The following CIPC variants were observed in gnomAD, a reference collection of about 807,000 sequenced individuals.
CIPC encodes the protein CLOCK interacting pacemaker.
A neutral mutation model predicts 26.7 loss-of-function variants in CIPC; 12 were observed. That is an observed-to-expected ratio of 0.45 (90% CI 0.29 to 0.73). CIPC has a LOEUF of 0.73. CIPC is among the 30% of genes least tolerant of loss of function. CIPC has a pLI of 0.12. For synonymous variants in CIPC, 170 were observed against 189.8 expected, an observed-to-expected ratio of 0.90 and a Z score of 0.86; for missense variants, 417 against 486.5, an observed-to-expected ratio of 0.86 and a Z score of 1.34.
Position 77,114,551 on chromosome 14 carries a change from C to G in CIPC, c.*233C>G. 2.0e-6 allele frequency: 1 copy of G among 495,836 alleles called. No individual in the cohort carries two copies. The highest frequency in any genetic ancestry group is 1.9e-5 in the African/African-American group (1 of 52,350). The allele number at this position is 495,836 out of a possible 1,614,324, so 30.7% of individuals were successfully genotyped here. On this transcript the variant is annotated 3_prime_UTR_variant, in exon 4 of 4. Coordinates refer to ENST00000361786, the MANE Select transcript of CIPC (RefSeq NM_033426.3). ...CCTCAGTTTGGGAGTGCCCTTGAGC[C>G]CCTTTTCCTTAGCCTGCAGGTGCTT...
chr14:77,103,637 A>G (rs1343797915), intron 1 of CIPC, among the ~76,000 whole-genome samples: 1 of 152,200 alleles, frequency 6.6e-6, no homozygotes, highest in African/African-American at 2.4e-5. Context: ...ATTCTCAGCC[A>G]GCAATTTGAA....
At position 77,114,037 on chromosome 14, in the gene CIPC, T is replaced by C. The variant is rs1886758689; in HGVS notation, c.919T>C (p.Ser307Pro). Residue 307 changes from serine (S) to proline (P), a missense_variant, in exon 4 of 4, where the codon TCA becomes CCA. Physicochemically the swap from Ser to Pro is moderately conservative, Grantham distance 74 (BLOSUM62 -1). Coordinates refer to ENST00000361786, the MANE Select transcript of CIPC (RefSeq NM_033426.3). ...EHLCRSPDIF[S>P]EQRQSKHRRF... ...CCTCTGCCGCAGCCCAGATATCTTT[T>C]CAGAGCAGCGGCAGAGCAAACATAG... 4 of 1,614,228 alleles carry C rather than the reference T, an allele frequency of 2.5e-6. No individual in the cohort carries two copies. Among genetic ancestry groups the C allele is most frequent in the East Asian group, 4.5e-5 (2 of 44,888 alleles).
Position 77,113,645 on chromosome 14 carries a change from C to T in CIPC, c.527C>T (p.Pro176Leu). Reference sequence around the variant, plus strand: ...GGCAAAAGGGGCCTTTCCCTTGGCCCAGAAGAAAAAGGAACAAGTGGAGTG... The same window carrying T: ...GGCAAAAGGGGCCTTTCCCTTGGCCTAGAAGAAAAAGGAACAAGTGGAGTG... ...HPGKRGLSLGPEEKGTSGVQK... is the reference protein window; with the variant it reads ...HPGKRGLSLGLEEKGTSGVQK... Residue 176 changes from proline (P) to leucine (L), a missense_variant, in exon 4 of 4, where the codon CCA (proline) becomes CTA (leucine). Coordinates refer to ENST00000361786, the MANE Select transcript of CIPC (RefSeq NM_033426.3). 1 of 1,613,802 alleles carries T rather than the reference C, an allele frequency of 6.2e-7. No homozygotes were observed.
chr14:77,103,550 GTTA>G (rs1355465948), intron 1 of CIPC, among the ~76,000 whole-genome samples: 1 of 152,168 alleles, frequency 6.6e-6, no homozygotes, highest in African/African-American at 2.4e-5. Flanking sequence ...TATTCCTTGT[GTTA>G]TTATCATGCT....
chr14:77,105,702 A>AT lies in CIPC; in HGVS notation c.-6dup, dbSNP rs779238816. The AT allele has an allele frequency of 1.9e-6, 3 of 1,613,110 alleles. No individual in the cohort carries two copies. The Admixed American group carries it at 5.0e-5, about 27-fold the overall frequency. ...TACCAATGAATCTGCCTCCAGCTGA[A>AT]TAAACCATGGAGAGGAAAAACCCAT... On this transcript the variant is annotated 5_prime_UTR_variant, in exon 2 of 4. An upstream open reading frame in the 5' UTR loses its in-frame stop. Transcript: ENST00000361786.
At chr14:77,112,653 CAG>C (rs1454278462) in intron 3 of CIPC, among the ~76,000 whole-genome samples, 1 of 151,834 alleles carries the variant, frequency 6.6e-6, no homozygotes, top group East Asian at 1.9e-4. Flanking sequence ...GCCTTAAAAA[CAG>C]GAACCCATAG....
chr14:77,112,784 T>C (rs2140035327), intron 3 of CIPC, among the ~76,000 whole-genome samples: 1 of 152,162 alleles, frequency 6.6e-6, no homozygotes, highest in East Asian at 1.9e-4. Context: ...AATCTCAGCT[T>C]ACTGCAACCT....
intron 1 of CIPC, among the ~76,000 whole-genome samples, chr14:77,100,551 C>CTCTTT (rs528651787): frequency 9.4e-5 from 14 of 149,330 alleles, no homozygotes; most frequent in Admixed American, 1.3e-4. Flanking sequence ...CTCTGATTCT[C>CTCTTT]TCTTTTCTTT....
At position 77,114,272 on chromosome 14, in the gene CIPC, A is replaced by G. The variant is rs776611912; in HGVS notation, c.1154A>G (p.Asn385Ser). The G allele has an allele frequency of 1.9e-6, 3 of 1,613,674 alleles. No individual in the cohort carries two copies. The highest frequency in any genetic ancestry group is 1.3e-5 in the African/African-American group (1 of 74,880). The change falls in exon 4 of 4, where the codon AAT becomes AGT. Residue 385 changes from asparagine to serine, a missense_variant. Coordinates refer to ENST00000361786, the MANE Select transcript of CIPC (RefSeq NM_033426.3). ...LQASLTPGSS[N>S]TGSDLEAFSD... ...GCATCTTTAACACCTGGGTCCAGTAATACAGGCAGTGACCTAGAAGCATTC... is the reference window on the plus strand; with the variant it reads ...GCATCTTTAACACCTGGGTCCAGTAGTACAGGCAGTGACCTAGAAGCATTC...
At chr14:77,112,787 T>C (rs1250561413) in intron 3 of CIPC, among the ~76,000 whole-genome samples, 14 of 152,086 alleles carry the variant, frequency 9.2e-5, no homozygotes. Context: ...CTCAGCTTAC[T>C]GCAACCTCCA....
At chr14:77,106,041 A>G in intron 2 of CIPC, 197 bp downstream of exon 2, 1 of 435,354 alleles carries the variant, frequency 2.3e-6, no homozygotes, top group Non-Finnish European at 3.9e-6. Flanking sequence ...TTCTGAAAGA[A>G]TTATTTAACA....
At chr14:77,107,552 A>G (rs1028409861) in intron 2 of CIPC, among the ~76,000 whole-genome samples, 2 of 152,086 alleles carry the variant, frequency 1.3e-5, no homozygotes, top group Non-Finnish European at 2.9e-5. Context: ...AAAAATTTCA[A>G]ATCTATACAA....
At chr14:77,100,844 T>C (rs567409624) in intron 1 of CIPC, among the ~76,000 whole-genome samples, 1 of 152,250 alleles carries the variant, frequency 6.6e-6, no homozygotes, top group South Asian at 2.1e-4. Context: ...GCTGGGATTA[T>C]AGGTGTGAGC....
chr14:77,107,375 C>G (rs763474952), intron 2 of CIPC, among the ~76,000 whole-genome samples: 1 of 152,106 alleles, frequency 6.6e-6, no homozygotes, highest in African/African-American at 2.4e-5. Flanking sequence ...ACTCATTATG[C>G]CCCAGAAAGT....
chr14:77,101,947 G>A (rs1886495432), intron 1 of CIPC, among the ~76,000 whole-genome samples: 1 of 152,156 alleles, frequency 6.6e-6, no homozygotes, highest in African/African-American at 2.4e-5. Context: ...TTAGCTGGGT[G>A]TGGTGGTATG....
chr14:77,114,360 C>T lies in CIPC; in HGVS notation c.*42C>T. 1 of 1,532,266 alleles carries T rather than the reference C, an allele frequency of 6.5e-7. No individual in the cohort carries two copies. The highest frequency in any genetic ancestry group is 8.8e-7 in the Non-Finnish European group (1 of 1,139,538). 94.9% of individuals were successfully genotyped at this position (1,532,266 alleles called of 1,614,324 possible). A position where few individuals can be genotyped will look rare whatever the true frequency, so the allele number is the denominator to read the frequency against. ...CCTGTTACTTGAGTGGTTCTTTTAG[C>T]TCATTTGCTGTTACCTACTCCTGTT... On this transcript the variant is annotated 3_prime_UTR_variant, in exon 4 of 4. Transcript: ENST00000361786.
At chr14:77,100,246 T>TC (rs1886453705) in intron 1 of CIPC, among the ~76,000 whole-genome samples, 2 of 148,274 alleles carry the variant, frequency 1.3e-5, no homozygotes, top group South Asian at 4.2e-4. Context: ...CTTTCTTTTT[T>TC]TTTTTTTTTT....
chr14:77,113,302 G>A (rs1023530589), intron 3 of CIPC, 123 bp from the exon 4 acceptor site: 1 of 1,015,468 alleles, frequency 9.8e-7, no homozygotes, highest in East Asian at 2.4e-5. Context: ...CTATGTGAGA[G>A]AAGCACTGTC....
intron 1 of CIPC, among the ~76,000 whole-genome samples, chr14:77,101,794 G>T (rs961409146): frequency 6.6e-6 from 1 of 152,000 alleles, no homozygotes; most frequent in African/African-American, 2.4e-5. Flanking sequence ...GGACAAAAAG[G>T]GTATGATCTG....
Sources: gnomAD v4.1 joint callset for allele counts (sites outside exome capture counted in the v4.1 genomes callset) on GRCh38, gnomAD v4.1.1 for gene constraint, MANE v1.5 for transcripts, NCBI Gene and HGNC (gene_info 2026-07-23, HGNC 2026-07-21) for gene names.